CREM: variants seen among roughly 807,000 people sequenced by gnomAD.
CREM encodes the protein cAMP-responsive element modulator.
CREM carries 13 observed loss-of-function variants against 37.3 expected under a neutral mutation model. The observed-to-expected ratio is 0.35, with a 90% confidence interval of 0.23 to 0.55. The LOEUF is 0.55. Ranked by LOEUF, CREM falls within the 20% of genes least tolerant of loss-of-function variation. CREM has a pLI of 0.88. For missense variants in CREM, 296 were observed against 362.3 expected, an observed-to-expected ratio of 0.82 and a Z score of 1.49; for synonymous variants, 124 against 120.2, an observed-to-expected ratio of 1.03 and a Z score of -0.21.
chr10:35,169,666 G>A (rs2132621574), intron 3 of CREM, among the ~76,000 whole-genome samples: 1 of 152,258 alleles, frequency 6.6e-6, no homozygotes, highest in East Asian at 1.9e-4. Flanking sequence ...TCCCTGTCTT[G>A]TGCCAGTTTT....
chr10:35,152,030 G>A (rs2092632408), intron 3 of CREM, among the ~76,000 whole-genome samples: 1 of 152,108 alleles, frequency 6.6e-6, no homozygotes, highest in Admixed American at 6.5e-5. Flanking sequence ...AATTTCTGAT[G>A]GCTTCATATT....
intron 3 of CREM, among the ~76,000 whole-genome samples, chr10:35,164,231 A>C (rs1386023057): frequency 2.6e-5 from 4 of 152,208 alleles, no homozygotes; most frequent in Non-Finnish European, 5.9e-5. Flanking sequence ...ACAAGCACAG[A>C]GTTTGGCATC....
At chr10:35,161,930 T>G (rs2093319549) in intron 3 of CREM, among the ~76,000 whole-genome samples, 1 of 152,168 alleles carries the variant, frequency 6.6e-6, no homozygotes, top group South Asian at 2.1e-4. Flanking sequence ...TGGGTATCTA[T>G]CCAAAGGAGA....
intron 6 of CREM, among the ~76,000 whole-genome samples, chr10:35,203,595 G>A (rs1232077440): frequency 6.6e-6 from 1 of 152,172 alleles, no homozygotes; most frequent in East Asian, 1.9e-4. Context: ...GGAAGGCTGA[G>A]GCAGGAGAAT....
At chr10:35,185,793 A>C (rs1198491156) in intron 5 of CREM, among the ~76,000 whole-genome samples, 1 of 152,070 alleles carries the variant, frequency 6.6e-6, no homozygotes, top group Non-Finnish European at 1.5e-5. Context: ...TCTGTAACTG[A>C]CTCTTCAGTT....
chr10:35,188,822 T>C (rs1173305259), intron 6 of CREM, among the ~76,000 whole-genome samples: 1 of 152,052 alleles, frequency 6.6e-6, no homozygotes, highest in East Asian at 1.9e-4. Context: ...CACGCCTGGC[T>C]AATTTTTGTA....
At chr10:35,191,086 T>TTTATTTATTTA (rs2094895646) in intron 6 of CREM, among the ~76,000 whole-genome samples, 1 of 147,992 alleles carries the variant, frequency 6.8e-6, no homozygotes, top group Non-Finnish European at 1.5e-5. Flanking sequence ...ACATTTTTCT[T>TTTATTTATTTA]TTTATTTATT....
At chr10:35,133,233 T>A (rs941346317) in intron 1 of CREM, among the ~76,000 whole-genome samples, 3 of 152,176 alleles carry the variant, frequency 2.0e-5, no homozygotes, top group Admixed American at 2.0e-4. Context: ...GGCAAGTGTC[T>A]TATAAAGAAT....
chr10:35,196,070 G>C, intron 6 of CREM: 1 of 1,614,160 alleles, frequency 6.2e-7, no homozygotes, highest in Non-Finnish European at 8.5e-7. Context: ...TGCATGAACA[G>C]AACTCAGGAG....
intron 2 of CREM, among the ~76,000 whole-genome samples, chr10:35,141,568 G>T (rs1022660965): frequency 6.6e-6 from 1 of 152,176 alleles, no homozygotes; most frequent in African/African-American, 2.4e-5. Context: ...CGGGTAGAAA[G>T]TTTGTGGAGG....
rs2095540499 is a variant in CREM, at chr10:35,206,968, T to C, written c.672T>C (p.Ala224=). 6.2e-7 allele frequency: 1 copy of C among 1,613,988 alleles called. No individual in the cohort carries two copies. The highest frequency in any genetic ancestry group is 8.5e-7 in the Non-Finnish European group (1 of 1,180,036). ...TAALPQGVVM[A]ASPGSLHSPQ... ...CTTTGCCACAGGGAGTGGTGATGGC[T>C]GCATCGCCCGGAAGTTTGCACAGTC... is the stretch of plus-strand genomic sequence containing the variant. The change falls in exon 7 of 8, where the codon GCT becomes GCC. Residue 224 remains alanine, a synonymous_variant. Coordinates refer to ENST00000685392, the MANE Select transcript of CREM (RefSeq NM_183011.2).
intron 5 of CREM, among the ~76,000 whole-genome samples, chr10:35,180,559 C>G (rs1305143203): frequency 6.6e-6 from 1 of 152,198 alleles, no homozygotes; most frequent in East Asian, 1.9e-4. Flanking sequence ...GTAGTGTATT[C>G]ACACGTTTGA....
At chr10:35,135,737 AAAAAAAGAG>A (rs71033378) in intron 1 of CREM, among the ~76,000 whole-genome samples, 2,906 of 133,706 alleles carry the variant, frequency 0.022, 76 homozygotes, top group Middle Eastern at 0.039. Context: ...AAAAAAAAAA[AAAAAAAGAG>A]AGACATTAAA....
chr10:35,139,685 ATAT>A (rs1379601320), intron 2 of CREM, among the ~76,000 whole-genome samples: 2 of 152,230 alleles, frequency 1.3e-5, no homozygotes, highest in Non-Finnish European at 2.9e-5. Flanking sequence ...TGTTTATTTA[ATAT>A]TATCACAACT....
At chr10:35,179,366 T>C (rs2094251285) in intron 5 of CREM, 90 bp downstream of exon 5, 1 of 1,475,706 alleles carries the variant, frequency 6.8e-7, no homozygotes, top group South Asian at 1.4e-5. Context: ...CATTAAATTG[T>C]TCCATTTTAA....
At chr10:35,156,390 C>T (rs1006269262) in intron 3 of CREM, among the ~76,000 whole-genome samples, 4 of 152,020 alleles carry the variant, frequency 2.6e-5, no homozygotes, top group Admixed American at 2.0e-4. Flanking sequence ...ACTAGAACTA[C>T]AGGTGCATAC....
At chr10:35,157,604 C>G (rs554252487) in intron 3 of CREM, among the ~76,000 whole-genome samples, 1 of 149,964 alleles carries the variant, frequency 6.7e-6, no homozygotes, top group Non-Finnish European at 1.5e-5. Context: ...CCCCTGCACT[C>G]CAGCCCAGGT....
chr10:35,181,254 G>A (rs1228055944), intron 5 of CREM, among the ~76,000 whole-genome samples: 4 of 152,172 alleles, frequency 2.6e-5, no homozygotes, highest in African/African-American at 9.6e-5. Flanking sequence ...TCACATCTCA[G>A]GTTTTAGTCT....
rs190004552 is a variant in CREM at position 35,189,199 on chromosome 10, T to G, written c.598+811T>G. 9.7e-3 allele frequency among the ~76,000 whole-genome samples: 1,476 copies of G among 151,894 alleles called. 8 individuals are homozygous for G. Among genetic ancestry groups the G allele is most frequent in the Non-Finnish European group, 0.014 (917 of 67,896 alleles). On this transcript the variant is annotated intron_variant, in intron 6 of 7. Transcript: ENST00000685392. ...TTTGTTTTTTTTTGTTTGTTTGTTT[T>G]TTTGACTGACTGTTCTTAGTTGTTT...
Sources: allele counts gnomAD v4.1 joint callset (sites outside exome capture counted in the v4.1 genomes callset), GRCh38; gene constraint gnomAD v4.1.1; transcripts MANE v1.5; gene names NCBI Gene and HGNC (gene_info 2026-07-23, HGNC 2026-07-21).